The following PSD3 variants were observed in gnomAD, a reference collection of about 807,000 sequenced individuals.
PSD3 encodes pleckstrin and Sec7 domain containing 3.
Under a neutral mutation model 105.5 loss-of-function variants are expected in PSD3, and 49 were observed. The ratio of observed to expected loss-of-function variants is 0.46; its 90% CI spans 0.37 to 0.59. The LOEUF (loss-of-function observed/expected upper bound fraction) is 0.59. PSD3 is among the 20% of genes least tolerant of loss of function. PSD3 has a pLI of 0.00. For missense variants in PSD3, 1,561 were observed against 1,263.8 expected, an observed-to-expected ratio of 1.24 and a Z score of -3.57; for synonymous variants, 557 against 457.8, an observed-to-expected ratio of 1.22 and a Z score of -2.77.
chr8:19,060,261 TG>T (rs1344281234), intron 1 of PSD3, among the ~76,000 whole-genome samples: 3 of 152,188 alleles, frequency 2.0e-5, no homozygotes, highest in African/African-American at 7.2e-5. Context: ...AAAAATGAAA[TG>T]AGTTTCCAAG....
intron 9 of PSD3, among the ~76,000 whole-genome samples, chr8:18,737,817 T>C (rs1303879303): frequency 6.6e-6 from 1 of 152,182 alleles, no homozygotes; most frequent in Non-Finnish European, 1.5e-5. Flanking sequence ...AAAACTAGTC[T>C]TGCATCATGG....
chr8:19,067,365 G>A (rs748924695), intron 1 of PSD3, among the ~76,000 whole-genome samples: 1 of 152,108 alleles, frequency 6.6e-6, no homozygotes, highest in Non-Finnish European at 1.5e-5. Flanking sequence ...CTCATCCAAG[G>A]CTTCATTTGA....
intron 8 of PSD3, among the ~76,000 whole-genome samples, chr8:18,769,994 T>G (rs1807359769): frequency 1.3e-5 from 2 of 152,196 alleles, no homozygotes; most frequent in Admixed American, 1.3e-4. Context: ...GGGCATATAT[T>G]TAGGAGTGGG....
intron 2 of PSD3, among the ~76,000 whole-genome samples, chr8:18,934,076 C>G (rs1338046189): frequency 6.6e-6 from 1 of 152,068 alleles, no homozygotes; most frequent in African/African-American, 2.4e-5. Flanking sequence ...ACTTTTTAAG[C>G]TAAAAGAAGT....
At chr8:19,084,354 C>T (rs2129478470) in exon 1 of PSD3, 1 of 456,280 alleles carries the variant, frequency 2.2e-6, no homozygotes, top group East Asian at 6.9e-5. Context: ...GGTCTCGGCG[C>T]CTCTCCTCAG....
intron 10 of PSD3, among the ~76,000 whole-genome samples, chr8:18,654,151 T>C (rs1490125988): frequency 6.6e-6 from 1 of 152,220 alleles, no homozygotes; most frequent in East Asian, 1.9e-4. Context: ...TATATATATA[T>C]ATGCAAATAT....
intron 1 of PSD3, among the ~76,000 whole-genome samples, chr8:18,957,683 T>G (rs1158870840): frequency 2.0e-5 from 3 of 152,232 alleles, no homozygotes; most frequent in Non-Finnish European, 4.4e-5. Context: ...CTGGGCATTT[T>G]GCCAACATCC....
chr8:18,812,040 G>C (rs1811738423), intron 4 of PSD3, among the ~76,000 whole-genome samples: 1 of 151,952 alleles, frequency 6.6e-6, no homozygotes, highest in Non-Finnish European at 1.5e-5. Flanking sequence ...TGTGCCTCTG[G>C]GCCATATGAC....
chr8:18,970,272 C>T (rs994695915), intron 1 of PSD3, among the ~76,000 whole-genome samples: 57 of 128,302 alleles, frequency 4.4e-4, no homozygotes, highest in Non-Finnish European at 7.8e-4. Flanking sequence ...TTGCAGTGAG[C>T]CGAGATCGCA....
intron 14 of PSD3, among the ~76,000 whole-genome samples, chr8:18,567,845 A>C (rs1801889986): frequency 6.6e-6 from 1 of 152,098 alleles, no homozygotes; most frequent in African/African-American, 2.4e-5. Flanking sequence ...TCCCCTCCGA[A>C]TCTCATGTTG....
chr8:18,977,174 C>T (rs62495910), intron 1 of PSD3, among the ~76,000 whole-genome samples: 42,764 of 149,304 alleles, frequency 0.29, 6,882 homozygotes, highest in Non-Finnish European at 0.37. Context: ...GCAGGAGAAT[C>T]GCTTGAACAC....
intron 8 of PSD3, among the ~76,000 whole-genome samples, chr8:18,786,139 G>C (rs1038635609): frequency 6.6e-6 from 1 of 152,254 alleles, no homozygotes; most frequent in Middle Eastern, 3.4e-3. Context: ...GGGAGGTGGA[G>C]CTTGCAGTGA....
At position 19,078,727 on chromosome 8, in the gene PSD3, A is replaced by T. The variant is rs544702512; in HGVS notation, c.324+5479T>A. 1.6e-3 allele frequency among the ~76,000 whole-genome samples: 249 copies of T among 152,038 alleles called. 4 individuals are homozygous for T. Among genetic ancestry groups the T allele is most frequent in the African/African-American group, 5.7e-3 (238 of 41,476 alleles). ...ACATCAGAGCAAAAAGTCTCCTCCC[A>T]GGGATGCAGGCCTAAGAGAATTCAG... On this transcript the variant is annotated intron_variant, in intron 1 of 1. Transcript: ENST00000521475.
At chr8:19,028,280 C>G (rs1406979892) in intron 1 of PSD3, among the ~76,000 whole-genome samples, 1 of 2,556 alleles carries the variant, frequency 3.9e-4, no homozygotes, top group Non-Finnish European at 2.0e-3. Flanking sequence ...CTCACACCAC[C>G]CCCCCCCCCC....
At chr8:18,668,503 TGA>T (rs1236561258) in intron 9 of PSD3, among the ~76,000 whole-genome samples, 2 of 152,192 alleles carry the variant, frequency 1.3e-5, no homozygotes, top group Admixed American at 6.5e-5. Flanking sequence ...CAGCCATATA[TGA>T]GAGAGGTAGT....
chr8:18,935,880 G>T (rs1822091972), intron 2 of PSD3, among the ~76,000 whole-genome samples, 154 bp downstream of exon 2: 1 of 152,176 alleles, frequency 6.6e-6, no homozygotes, highest in Non-Finnish European at 1.5e-5. Flanking sequence ...AATATTTGCG[G>T]ATTCTACATC....
chr8:18,631,795 C>T (rs1293771512), intron 11 of PSD3, among the ~76,000 whole-genome samples: 1 of 151,896 alleles, frequency 6.6e-6, no homozygotes, highest in Non-Finnish European at 1.5e-5. Context: ...TGTTTCTCTC[C>T]ATGTAAGCTA....
intron 9 of PSD3, among the ~76,000 whole-genome samples, chr8:18,763,567 A>C (rs1418652486): frequency 6.6e-6 from 1 of 152,144 alleles, no homozygotes; most frequent in Non-Finnish European, 1.5e-5. Flanking sequence ...AGAAAAAAAG[A>C]CACCAAAAGA....
intron 2 of PSD3, among the ~76,000 whole-genome samples, chr8:18,882,137 G>A (rs942089583): frequency 2.0e-5 from 3 of 152,120 alleles, no homozygotes; most frequent in African/African-American, 7.2e-5. Flanking sequence ...GAGCCTGGGA[G>A]GTTGAGGCTG....
Sources: allele counts gnomAD v4.1 joint callset (sites outside exome capture counted in the v4.1 genomes callset), GRCh38; gene constraint gnomAD v4.1.1; transcripts MANE v1.5; gene names NCBI Gene and HGNC (gene_info 2026-07-23, HGNC 2026-07-21).